Variants in PPP3CC observed in about 807,000 individuals in gnomAD.
PPP3CC encodes the protein serine/threonine-protein phosphatase 2B catalytic subunit gamma isoform.
Under a neutral mutation model 60.3 loss-of-function variants are expected in PPP3CC, and 35 were observed. The ratio of observed to expected loss-of-function variants is 0.58; its 90% CI spans 0.44 to 0.77. PPP3CC has a LOEUF of 0.77. PPP3CC is among the 30% of genes least tolerant of loss of function. PPP3CC has a pLI of 0.00. For synonymous variants in PPP3CC, 206 were observed against 224.3 expected (o/e 0.92, Z 0.73); for missense variants, 570 against 628.9 (o/e 0.91, Z 1.00).
intron 12 of PPP3CC, among the ~76,000 whole-genome samples, chr8:22,538,308 G>T (rs996604024): frequency 3.9e-5 from 6 of 152,198 alleles, no homozygotes; most frequent in African/African-American, 1.4e-4. Flanking sequence ...TTACATCAGT[G>T]ATGTGCTGTG....
rs1284516106 is a variant in PPP3CC, at chr8:22,527,532, G to A, written c.1069+15G>A. The A allele has an allele frequency of 1.9e-6, 3 of 1,612,664 alleles. No homozygotes were observed. The highest frequency in any genetic ancestry group is 2.5e-6 in the Non-Finnish European group (3 of 1,179,490). On this transcript the variant is annotated intron_variant, in intron 9 of 13. Transcript: ENST00000240139. ...TGGGGAAAAAGGTAAGAGAACTAAA[G>A]CACATGTCTCATCAGTTGTTTGGTG...
At chr8:22,504,765 A>T (rs1025940401) in intron 4 of PPP3CC, among the ~76,000 whole-genome samples, 1 of 120,710 alleles carries the variant, frequency 8.3e-6, no homozygotes, top group African/African-American at 3.2e-5. Flanking sequence ...CCTAGGTTGG[A>T]ACACACTGGT....
chr8:22,446,829 AAAAG>A (rs1315328504), intron 1 of PPP3CC, among the ~76,000 whole-genome samples: 5 of 151,150 alleles, frequency 3.3e-5, no homozygotes, highest in African/African-American at 7.3e-5. Flanking sequence ...AAAAAAAAAA[AAAAG>A]CTGATTTTTA....
chr8:22,489,118 G>T (rs1158027032), intron 3 of PPP3CC, among the ~76,000 whole-genome samples: 1 of 151,862 alleles, frequency 6.6e-6, no homozygotes, highest in Non-Finnish European at 1.5e-5. Context: ...AAGGTCAGTT[G>T]ACTTTTGGAG....
intron 4 of PPP3CC, among the ~76,000 whole-genome samples, chr8:22,503,987 T>C (rs1466927693): frequency 1.3e-5 from 2 of 152,188 alleles, no homozygotes. Flanking sequence ...TAGCATCTTA[T>C]CATTAATAAG....
chr8:22,501,628 G>A (rs1838764673), intron 4 of PPP3CC, among the ~76,000 whole-genome samples: 2 of 152,170 alleles, frequency 1.3e-5, no homozygotes, highest in African/African-American at 4.8e-5. Flanking sequence ...ATGAATGTTT[G>A]CTTTTTTCCA....
chr8:22,528,369 A>G (rs1839614939), intron 9 of PPP3CC, 137 bp from the exon 10 acceptor site: 1 of 449,558 alleles, frequency 2.2e-6, no homozygotes, highest in African/African-American at 2.0e-5. Context: ...TACTTTTTAT[A>G]GCTATTCTTA....
intron 10 of PPP3CC, among the ~76,000 whole-genome samples, chr8:22,529,564 A>C (rs181237514): frequency 6.6e-6 from 1 of 152,074 alleles, no homozygotes; most frequent in African/African-American, 2.4e-5. Context: ...GCTCACTGCA[A>C]CCTTCACCTC....
intron 12 of PPP3CC, among the ~76,000 whole-genome samples, chr8:22,536,672 TA>T (rs1400153294): frequency 6.6e-6 from 1 of 152,214 alleles, no homozygotes; most frequent in Non-Finnish European, 1.5e-5. Context: ...TAGAGTTTCT[TA>T]TTCTTATTGA....
At chr8:22,525,187 C>G (rs1005812873) in intron 8 of PPP3CC, among the ~76,000 whole-genome samples, 9 of 152,128 alleles carry the variant, frequency 5.9e-5, no homozygotes, top group African/African-American at 2.2e-4. Flanking sequence ...ACAGTTCATT[C>G]TACCTGAGTA....
chr8:22,442,404 A>G (rs952608192), intron 1 of PPP3CC, among the ~76,000 whole-genome samples: 26 of 152,172 alleles, frequency 1.7e-4, no homozygotes, highest in South Asian at 6.2e-4. Context: ...TCATTTTGGT[A>G]TTAGAAGGAG....
chr8:22,486,820 C>G (rs1280927713), intron 3 of PPP3CC, among the ~76,000 whole-genome samples: 1 of 151,260 alleles, frequency 6.6e-6, no homozygotes, highest in Non-Finnish European at 1.5e-5. Context: ...GCCTCTGCCT[C>G]CCAGGTTTAA....
At chr8:22,454,280 A>G (rs961556441) in intron 1 of PPP3CC, among the ~76,000 whole-genome samples, 2 of 152,102 alleles carry the variant, frequency 1.3e-5, no homozygotes, top group African/African-American at 4.8e-5. Flanking sequence ...GCCTCCAGAG[A>G]GTCAGGATGA....
At chr8:22,480,473 A>G (rs571126626) in intron 3 of PPP3CC, among the ~76,000 whole-genome samples, 2 of 152,182 alleles carry the variant, frequency 1.3e-5, no homozygotes, top group East Asian at 3.9e-4. Flanking sequence ...TCCCAAAGTT[A>G]ATTTAATTTA....
intron 1 of PPP3CC, among the ~76,000 whole-genome samples, chr8:22,447,848 G>A (rs567464588): frequency 6.6e-6 from 1 of 152,134 alleles, no homozygotes; most frequent in African/African-American, 2.4e-5. Flanking sequence ...TGTTTGAAGA[G>A]GGTTTAACTT....
intron 3 of PPP3CC, among the ~76,000 whole-genome samples, chr8:22,476,192 A>G (rs894062767): frequency 9.8e-5 from 15 of 152,376 alleles, no homozygotes; most frequent in Middle Eastern, 3.4e-3. Flanking sequence ...AATTAAATAG[A>G]AGCTTTAATG....
At chr8:22,521,132 G>C (rs973271771) in intron 6 of PPP3CC, among the ~76,000 whole-genome samples, 4 of 152,108 alleles carry the variant, frequency 2.6e-5, no homozygotes, top group Admixed American at 2.6e-4. Context: ...CAATAGGGTG[G>C]GACCCAAGCT....
chr8:22,458,198 A>G (rs137930640), intron 1 of PPP3CC, among the ~76,000 whole-genome samples: 27 of 152,370 alleles, frequency 1.8e-4, no homozygotes, highest in African/African-American at 6.5e-4. Flanking sequence ...ACATTTAGTT[A>G]TTTAACTAGA....
intron 10 of PPP3CC, among the ~76,000 whole-genome samples, chr8:22,530,282 C>G (rs1299506986): frequency 1.3e-5 from 2 of 152,188 alleles, no homozygotes; most frequent in East Asian, 3.9e-4. Flanking sequence ...TGGTGAAACC[C>G]CATCTCTACT....
Sources: allele counts gnomAD v4.1 joint callset (sites outside exome capture counted in the v4.1 genomes callset), GRCh38; gene constraint gnomAD v4.1.1; transcripts MANE v1.5; gene names NCBI Gene and HGNC (gene_info 2026-07-23, HGNC 2026-07-21).